Variants in RANBP2 observed in about 807,000 individuals in gnomAD.
The protein encoded by RANBP2 is E3 SUMO-protein ligase RanBP2.
Under a neutral mutation model 303.6 loss-of-function variants are expected in RANBP2, and 57 were observed. The observed-to-expected ratio is 0.19, with a 90% CI of 0.15 to 0.23. The LOEUF (loss-of-function observed/expected upper bound fraction) is 0.23. RANBP2 is among the 10% of genes least tolerant of loss of function. RANBP2 has a pLI of 1.00. For synonymous variants in RANBP2, 1,167 were observed against 1,301.5 expected, an observed-to-expected ratio of 0.90 and a Z score of 2.23; for missense variants, 3,138 against 3,780.8, an observed-to-expected ratio of 0.83 and a Z score of 4.46.
At chr2:109,076,348 A>T in the RANBP2 span, among the ~76,000 whole-genome samples, 1 of 150,736 alleles carries the variant, frequency 6.6e-6, no homozygotes, top group Non-Finnish European at 1.5e-5. Flanking sequence ...ATTGAAGAAA[A>T]ATTAAAAGCT....
the RANBP2 span, among the ~76,000 whole-genome samples, chr2:109,018,863 A>G: frequency 6.6e-6 from 1 of 152,250 alleles, no homozygotes; most frequent in African/African-American, 2.4e-5. Context: ...TTTCTTTCCC[A>G]GTAAAGTTCT....
chr2:109,704,670 C>A, the RANBP2 span, among the ~76,000 whole-genome samples: 57 of 151,762 alleles, frequency 3.8e-4, no homozygotes, highest in South Asian at 8.1e-3. Context: ...ACTAACGTGG[C>A]GAAACCTCGT....
At chr2:109,572,719 C>A in the RANBP2 span, among the ~76,000 whole-genome samples, 1 of 149,182 alleles carries the variant, frequency 6.7e-6, no homozygotes, top group Non-Finnish European at 1.5e-5. Flanking sequence ...TGGGTTCAAG[C>A]AATTCTCCTG....
At chr2:109,077,175 T>A in the RANBP2 span, among the ~76,000 whole-genome samples, 1 of 150,628 alleles carries the variant, frequency 6.6e-6, no homozygotes, top group Non-Finnish European at 1.5e-5. Context: ...AAAAACTGGA[T>A]ATCCACATGC....
chr2:108,850,816 T>C, the RANBP2 span, among the ~76,000 whole-genome samples: 1 of 151,974 alleles, frequency 6.6e-6, no homozygotes, highest in African/African-American at 2.4e-5. Flanking sequence ...TTTTCTCTAC[T>C]CCCACATGAC....
the RANBP2 span, among the ~76,000 whole-genome samples, chr2:109,280,459 C>T: frequency 2.6e-5 from 4 of 152,226 alleles, no homozygotes; most frequent in South Asian, 2.1e-4. Context: ...GGAAGGGGAG[C>T]GGTGGGGAAT....
At chr2:109,005,395 GCTGAC>G in the RANBP2 span, among the ~76,000 whole-genome samples, 1 of 152,134 alleles carries the variant, frequency 6.6e-6, no homozygotes, top group East Asian at 1.9e-4. Flanking sequence ...CCCTCTCCAA[GCTGAC>G]TTTCCAGAAC....
the RANBP2 span, among the ~76,000 whole-genome samples, chr2:109,163,429 C>T: frequency 9.3e-5 from 10 of 107,606 alleles, no homozygotes; most frequent in East Asian, 2.9e-4. Flanking sequence ...GACGGAGTCT[C>T]GCTCTGTCGC....
At chr2:109,129,911 G>T in the RANBP2 span, 1 of 1,503,088 alleles carries the variant, frequency 6.7e-7, no homozygotes, top group South Asian at 1.2e-5. Flanking sequence ...ATCCGTCAGC[G>T]GCCCCGCGCG....
the RANBP2 span, among the ~76,000 whole-genome samples, chr2:109,506,470 G>A: frequency 6.6e-6 from 1 of 152,238 alleles, no homozygotes; most frequent in African/African-American, 2.4e-5. Context: ...GGACCCTGGA[G>A]AGAGGGAGCC....
the RANBP2 span, among the ~76,000 whole-genome samples, chr2:109,189,136 C>T: frequency 2.6e-5 from 4 of 152,136 alleles, no homozygotes; most frequent in East Asian, 7.8e-4. Context: ...GAGGCTTCCC[C>T]AGGCTGTGAC....
At chr2:109,265,765 AAG>A in the RANBP2 span, among the ~76,000 whole-genome samples, 2 of 152,368 alleles carry the variant, frequency 1.3e-5, no homozygotes, top group South Asian at 2.1e-4. Flanking sequence ...AATTTAAAAA[AAG>A]AGATTGGCAC....
chr2:108,873,852 A>G, the RANBP2 span, among the ~76,000 whole-genome samples: 1 of 152,218 alleles, frequency 6.6e-6, no homozygotes, highest in Non-Finnish European at 1.5e-5. Context: ...CATGGGCTGC[A>G]GGTTGGACAA....
the RANBP2 span, among the ~76,000 whole-genome samples, chr2:109,214,686 C>T: frequency 2.0e-5 from 3 of 152,132 alleles, no homozygotes; most frequent in African/African-American, 4.8e-5. Flanking sequence ...CTCTCTGTCC[C>T]GTGGACAGGA....
the RANBP2 span, among the ~76,000 whole-genome samples, chr2:109,162,387 A>G: frequency 6.6e-6 from 1 of 151,856 alleles, no homozygotes; most frequent in South Asian, 2.1e-4. Context: ...AGGGCTCCTC[A>G]ACCTTTTTTA....
downstream of RANBP2, chr2:108,788,737 A>G (rs1275676802): frequency 1.4e-6 from 2 of 1,433,968 alleles, no homozygotes; most frequent in African/African-American, 2.9e-5. Flanking sequence ...AAAAAAGAAA[A>G]AAAAATTTGA....
chr2:108,790,588 G>C (rs947323728), downstream of RANBP2, among the ~76,000 whole-genome samples: 5 of 152,186 alleles, frequency 3.3e-5, no homozygotes, highest in Non-Finnish European at 7.3e-5. Context: ...TGTAGTCCCA[G>C]CTACTCGGGA....
chr2:109,227,869 C>T, the RANBP2 span, among the ~76,000 whole-genome samples: 6,297 of 152,284 alleles, frequency 0.041, 383 homozygotes, highest in East Asian at 0.31. Flanking sequence ...CGCCTTTCAT[C>T]GGTTTGTCTG....
chr2:108,807,276 T>A, the RANBP2 span, among the ~76,000 whole-genome samples: 1 of 152,188 alleles, frequency 6.6e-6, no homozygotes, highest in Admixed American at 6.5e-5. Context: ...CATAGGTCCA[T>A]TTTTGCCTAT....
Sources: gnomAD v4.1 joint callset for allele counts (sites outside exome capture counted in the v4.1 genomes callset) on GRCh38, gnomAD v4.1.1 for gene constraint, MANE v1.5 for transcripts, NCBI Gene and HGNC (gene_info 2026-07-23, HGNC 2026-07-21) for gene names.